Variants in MAP3K20 observed in about 807,000 individuals in gnomAD.
The protein encoded by MAP3K20 is mitogen-activated protein kinase kinase kinase 20, also known as HCCS-4.
In MAP3K20, 40 loss-of-function variants were observed where a neutral mutation model predicts 85.7. The ratio of observed to expected loss-of-function variants is 0.47; its 90% CI spans 0.36 to 0.61. MAP3K20 has a LOEUF of 0.61. Ranked by LOEUF, MAP3K20 falls within the 20% of genes least tolerant of loss-of-function variation. The pLI is 0.00. For synonymous variants in MAP3K20, 325 were observed against 327.7 expected (o/e 0.99, Z 0.09); for missense variants, 817 against 961.7 (o/e 0.85, Z 1.99).
chr2:173,076,311 G>A (rs990622284), intron 1 of MAP3K20, among the ~76,000 whole-genome samples: 1 of 152,114 alleles, frequency 6.6e-6, no homozygotes, highest in Non-Finnish European at 1.5e-5. Flanking sequence ...TTGGCGCCTG[G>A]AGGCGCGGGC....
At chr2:173,187,451 CAT>C (rs1361988528) in intron 4 of MAP3K20, 105 bp from the exon 5 acceptor site, 2 of 834,646 alleles carry the variant, frequency 2.4e-6, no homozygotes, top group Non-Finnish European at 3.7e-6. Flanking sequence ...AAGAATAAGA[CAT>C]GTGAATTAGT....
intron 2 of MAP3K20, among the ~76,000 whole-genome samples, chr2:173,112,424 G>A (rs896068271): frequency 2.6e-5 from 4 of 152,106 alleles, no homozygotes; most frequent in Admixed American, 1.3e-4. Context: ...GATTGATCCG[G>A]CTAGGACTTA....
intron 14 of MAP3K20, among the ~76,000 whole-genome samples, chr2:173,234,402 C>CA (rs1278321982): frequency 6.6e-6 from 1 of 152,134 alleles, no homozygotes; most frequent in East Asian, 1.9e-4. Flanking sequence ...TATGAAGATT[C>CA]AAAGAAACCT....
chr2:173,075,850 T>G lies in MAP3K20; in HGVS notation c.-187T>G, dbSNP rs916045424. 1 of 985,060 alleles carries G rather than the reference T, an allele frequency of 1.0e-6. No individual in the cohort carries two copies. Among genetic ancestry groups the G allele is most frequent in the Non-Finnish European group, 1.2e-6 (1 of 829,876 alleles). The allele number at this position is 985,060 out of a possible 1,614,324, so 61.0% of individuals were successfully genotyped here. Reference sequence around the variant, plus strand: ...GCTGTTGCCGTGACTGTCTTCCTCATTGGCGCCGTGCAGAGAGGCGGAATG... The same window carrying G: ...GCTGTTGCCGTGACTGTCTTCCTCAGTGGCGCCGTGCAGAGAGGCGGAATG... On this transcript the variant is annotated 5_prime_UTR_variant, in exon 1 of 20. Coordinates refer to ENST00000375213, the MANE Select transcript of MAP3K20 (RefSeq NM_016653.3).
chr2:173,229,601 G>C (rs944801866), intron 11 of MAP3K20, 88 bp from the exon 12 acceptor site: 3 of 1,560,436 alleles, frequency 1.9e-6, no homozygotes, highest in African/African-American at 1.4e-5. Context: ...CAGCAGCTGA[G>C]AGCTGAAAGA....
intron 2 of MAP3K20, chr2:173,160,223 TTGC>T (rs1227771979): frequency 6.6e-6 from 1 of 152,182 alleles, no homozygotes; most frequent in Non-Finnish European, 1.5e-5. Context: ...ATTGTGAAGT[TTGC>T]TGCTTTTTAT....
chr2:173,239,491 C>G lies in MAP3K20; in HGVS notation c.1354C>G (p.Pro452Ala). Residue 452 changes from proline to alanine, a missense_variant, in exon 16 of 20, where the codon CCA (proline) becomes GCA (alanine). By Grantham distance (27) the Pro-to-Ala change is conservative. This residue lies in a region of MAP3K20 where 454 missense variants were observed against 476.9 expected (regional missense o/e 0.95). Transcript: ENST00000375213. ...FGFHLKPGTG[P>A]QDCKWKMYME... ...TTTTCACTTGAAACCAGGAACTGGC[C>G]CACAGGTAAATCACATTTTAAATCC... 6.2e-7 allele frequency: 1 copy of G among 1,610,510 alleles called. No homozygotes were observed. Among genetic ancestry groups the G allele is most frequent in the Non-Finnish European group, 8.5e-7 (1 of 1,179,150 alleles).
At position 173,256,447 on chromosome 2, in the gene MAP3K20, C is replaced by T. The variant is rs563701476; in HGVS notation, c.1360-2252C>T. Among the ~76,000 whole-genome samples, 11 of 151,142 alleles carry T rather than the reference C, an allele frequency of 7.3e-5. No homozygotes were observed. In the South Asian group the frequency reaches 8.4e-4, roughly 12 times the overall value. Reference sequence around the variant, plus strand: ...TTCAAGACCATCTTGGGCAACATAGCGAGACACTAACTCTAAAAAAGAAAT... The same window carrying T: ...TTCAAGACCATCTTGGGCAACATAGTGAGACACTAACTCTAAAAAAGAAAT... On this transcript the variant is annotated intron_variant, in intron 16 of 19. Transcript: ENST00000375213.
chr2:173,117,581 A>AT lies in MAP3K20; in HGVS notation c.159+26400dup, dbSNP rs556731540. 9.9e-5 allele frequency among the ~76,000 whole-genome samples: 15 copies of AT among 151,326 alleles called. No homozygotes were observed. In the South Asian group the frequency reaches 1.0e-3, roughly 11 times the overall value. Reference sequence around the variant, plus strand: ...AGGCACAAGCCACCACGCCTGGCCTATTTTTTTTTCTAATAAAATTATATT... The same window carrying AT: ...AGGCACAAGCCACCACGCCTGGCCTATTTTTTTTTTCTAATAAAATTATATT... On this transcript the variant is annotated intron_variant, in intron 2 of 19. Transcript: ENST00000375213.
At chr2:173,186,039 T>C (rs764174519) in intron 4 of MAP3K20, among the ~76,000 whole-genome samples, 1 of 152,230 alleles carries the variant, frequency 6.6e-6, no homozygotes, top group Admixed American at 6.5e-5. Flanking sequence ...GTGTGTGTGA[T>C]GACTATTGTT....
At chr2:173,185,650 T>C (rs146585004) in intron 4 of MAP3K20, among the ~76,000 whole-genome samples, 2 of 152,324 alleles carry the variant, frequency 1.3e-5, no homozygotes, top group Non-Finnish European at 2.9e-5. Flanking sequence ...TAAGCAAAGG[T>C]TGATTCATGC....
intron 12 of MAP3K20, 127 bp from the exon 13 acceptor site, chr2:173,232,065 T>C: frequency 8.5e-7 from 1 of 1,179,336 alleles, no homozygotes; most frequent in Non-Finnish European, 1.2e-6. Context: ...AAGTCTTCTA[T>C]TTTACCTTTG....
chr2:173,156,863 G>C (rs137916760), intron 2 of MAP3K20, among the ~76,000 whole-genome samples: 1 of 152,350 alleles, frequency 6.6e-6, no homozygotes, highest in African/African-American at 2.4e-5. Flanking sequence ...GGGAAACCAA[G>C]AGGTAACCCT....
At chr2:173,182,084 GA>G (rs1460982732) in intron 3 of MAP3K20, among the ~76,000 whole-genome samples, 1 of 151,950 alleles carries the variant, frequency 6.6e-6, no homozygotes, top group Non-Finnish European at 1.5e-5. Context: ...ACTCCAGAAA[GA>G]AACAAAGAAA....
rs574979163 is a variant in MAP3K20 at position 173,234,183 on chromosome 2, G to A, written c.1203+1724G>A. On this transcript the variant is annotated intron_variant, in intron 14 of 19. Transcript: ENST00000375213. ...CACCTGCCATCTTTGAAAAGGCCCA[G>A]TATTCCTTAAGGATCAGTTCGGAGG... Among the ~76,000 whole-genome samples, 5 of 152,304 alleles carry A rather than the reference G, an allele frequency of 3.3e-5. No homozygotes were observed. In the South Asian group the frequency reaches 1.0e-3, roughly 32 times the overall value.
At chr2:173,187,752 G>A in intron 5 of MAP3K20, 129 bp downstream of exon 5, 2 of 669,012 alleles carry the variant, frequency 3.0e-6, no homozygotes, top group Non-Finnish European at 4.8e-6. Flanking sequence ...TACCATGGAA[G>A]CCTTTCTACT....
chr2:173,139,635 CT>C (rs1426864860), intron 2 of MAP3K20, among the ~76,000 whole-genome samples: 1 of 152,064 alleles, frequency 6.6e-6, no homozygotes, highest in Non-Finnish European at 1.5e-5. Flanking sequence ...TTTATTTTAG[CT>C]TTTTAGTTTT....
At chr2:173,162,263 C>G (rs539280455) in intron 2 of MAP3K20, among the ~76,000 whole-genome samples, 1 of 152,180 alleles carries the variant, frequency 6.6e-6, no homozygotes, top group African/African-American at 2.4e-5. Flanking sequence ...TTTGGAGATG[C>G]AGTTTTTGGA....
chr2:173,101,319 T>C (rs1480009661), intron 2 of MAP3K20, among the ~76,000 whole-genome samples: 2 of 152,206 alleles, frequency 1.3e-5, no homozygotes, highest in African/African-American at 2.4e-5. Context: ...TTTTTAAAAA[T>C]CCTTTCAAAG....
Sources: gnomAD v4.1 joint callset for allele counts (sites outside exome capture counted in the v4.1 genomes callset) on GRCh38, gnomAD v4.1.1 for gene constraint, gnomAD v4.1.1 regional missense constraint, MANE v1.5 for transcripts, NCBI Gene and HGNC (gene_info 2026-07-23, HGNC 2026-07-21) for gene names.